The following THPO variants were observed in gnomAD, a reference collection of about 807,000 sequenced individuals.
THPO encodes MPL ligand.
Under a neutral mutation model 17.0 loss-of-function variants are expected in THPO, and 12 were observed. That is an observed-to-expected ratio of 0.71 (90% CI 0.45 to 1.14). The LOEUF is 1.14. Among genes scored for constraint, THPO ranks in the 50% most tolerant of loss-of-function variants. THPO has a pLI of 0.00. For missense variants in THPO, 365 were observed against 427.5 expected, an observed-to-expected ratio of 0.85 and a Z score of 1.29; for synonymous variants, 188 against 183.0, an observed-to-expected ratio of 1.03 and a Z score of -0.22.
chr3:184,375,701 G>A (rs545035101), intron 3 of THPO, 100 bp from the exon 4 acceptor site: 35 of 1,476,400 alleles, frequency 2.4e-5, no homozygotes, highest in African/African-American at 7.0e-5. Flanking sequence ...ATCTCTAGAC[G>A]AGAGCTTTTA....
rs1714092281 is a variant in THPO, at chr3:184,373,202, G to C, written c.397-24C>G. ...AGCTGAGGGCAGAGGATGGTCCTGA[G>C]GCCAAACACCAGGGCCAGATCTCAG... On this transcript the variant is annotated intron_variant, in intron 5 of 5. Transcript: ENST00000647395. 5.6e-6 allele frequency: 9 copies of C among 1,607,896 alleles called. No individual in the cohort carries two copies. The East Asian group carries it at 2.0e-4, about 36-fold the overall frequency.
intron 1 of THPO, among the ~76,000 whole-genome samples, chr3:184,377,742 G>A (rs1045417207): frequency 1.3e-5 from 2 of 152,190 alleles, no homozygotes; most frequent in African/African-American, 4.8e-5. Flanking sequence ...TAAGAATGGG[G>A]ATTGGGGCTG....
At position 184,373,188 on chromosome 3, in the gene THPO, G is replaced by C. The variant is rs1391460695; in HGVS notation, c.397-10C>G. The C allele has an allele frequency of 6.2e-7, 1 of 1,609,668 alleles. No individual in the cohort carries two copies. Among genetic ancestry groups the C allele is most frequent in the South Asian group, 1.1e-5 (1 of 91,076 alleles). ...TGCCCTGTGGAGGAAGCTGAGGGCAGAGGATGGTCCTGAGGCCAAACACCA... is the reference window on the plus strand; with the variant it reads ...TGCCCTGTGGAGGAAGCTGAGGGCACAGGATGGTCCTGAGGCCAAACACCA... On this transcript the variant is annotated splice_polypyrimidine_tract_variant and intron_variant, in intron 5 of 5. Coordinates refer to ENST00000647395, the MANE Select transcript of THPO (RefSeq NM_000460.4).
chr3:184,378,246 G>T (rs1407599364), upstream of THPO: 20 of 985,370 alleles, frequency 2.0e-5, no homozygotes, highest in Non-Finnish European at 2.2e-5. Context: ...ACTGGTGAAG[G>T]CCCCCGGAAG....
Position 184,372,899 on chromosome 3 carries a change from T to G in THPO, c.676A>C (p.Arg226=). The G allele has an allele frequency of 6.2e-7, 1 of 1,614,000 alleles. No individual in the cohort carries two copies. Reference sequence around the variant, plus strand: ...TTCAGCAGACCAGGAATCTTGGCTCTGAATCCCTGCTGCCACTTCAGAAGC... The same window carrying G: ...TTCAGCAGACCAGGAATCTTGGCTCGGAATCCCTGCTGCCACTTCAGAAGC... ...SGLLKWQQGF[R]AKIPGLLNQT... The change falls in exon 6 of 6, where the codon AGA becomes CGA. Residue 226 remains arginine, a synonymous_variant. Transcript: ENST00000647395.
At chr3:184,373,637 G>T (rs149285772) in intron 4 of THPO, 55 bp from the exon 5 acceptor site, 11 of 1,595,942 alleles carry the variant, frequency 6.9e-6, no homozygotes, top group South Asian at 2.2e-5. Flanking sequence ...CACTAAAAGC[G>T]GGTGGGGAGC....
At chr3:184,374,136 G>C (rs916078906) in intron 4 of THPO, among the ~76,000 whole-genome samples, 1 of 152,184 alleles carries the variant, frequency 6.6e-6, no homozygotes, top group Non-Finnish European at 1.5e-5. Flanking sequence ...ACTGAGGCAG[G>C]AGAATCGCTT....
chr3:184,372,518 C>T lies in THPO; in HGVS notation c.1057G>A (p.Gly353Arg), dbSNP rs1577353481. ...YTHSQNLSQE[G>R] Reference sequence around the variant, plus strand: ...GTCGGCAGTGTCTGAGAACCTTACCCTTCCTGAGACAGATTCTGGGAGTGG... The same window carrying T: ...GTCGGCAGTGTCTGAGAACCTTACCTTTCCTGAGACAGATTCTGGGAGTGG... The change falls in exon 6 of 6, where the codon GGG becomes AGG. Residue 353 changes from glycine (G) to arginine (R), a missense_variant. Coordinates refer to ENST00000647395, the MANE Select transcript of THPO (RefSeq NM_000460.4). 1.9e-6 allele frequency: 3 copies of T among 1,614,086 alleles called. No individual in the cohort carries two copies.
In THPO at chr3:184,372,628, G is replaced by A; in HGVS notation, c.947C>T (p.Pro316Leu). ...LFPLPPTLPT[P>L]VVQLHPLLPD... ...AAGCAGGGGGTGGAGCTGGACCACA[G>A]GGGTGGGCAAGGTGGGTGGAAGAGG... The change falls in exon 6 of 6, where the codon CCT becomes CTT. Residue 316 changes from proline to leucine, a missense_variant. Transcript: ENST00000647395. 6.2e-7 allele frequency: 1 copy of A among 1,613,598 alleles called. No individual in the cohort carries two copies. Among genetic ancestry groups the A allele is most frequent in the South Asian group, 1.1e-5 (1 of 91,052 alleles).
intron 1 of THPO, among the ~76,000 whole-genome samples, chr3:184,377,812 C>T (rs1211395642): frequency 6.6e-6 from 1 of 152,180 alleles, no homozygotes; most frequent in Non-Finnish European, 1.5e-5. Context: ...TTATTTTCTC[C>T]CTGGGCTCAT....
chr3:184,377,413 A>G (rs1714508245), intron 1 of THPO, among the ~76,000 whole-genome samples: 1 of 152,184 alleles, frequency 6.6e-6, no homozygotes. Context: ...AGGAACGGGC[A>G]CCTGCTGGGT....
At chr3:184,377,086 G>C (rs1714480219) in intron 1 of THPO, among the ~76,000 whole-genome samples, 1 of 152,048 alleles carries the variant, frequency 6.6e-6, no homozygotes, top group Admixed American at 6.5e-5. Context: ...TGTGGCTTCA[G>C]CCTGGAGAAG....
At chr3:184,378,788 T>A, upstream of THPO, 9 of 985,182 alleles carry the variant, frequency 9.1e-6, no homozygotes, top group Non-Finnish European at 7.2e-6. Flanking sequence ...GTCCAGTGGC[T>A]TAGATGGCTA....
Position 184,376,455 on chromosome 3 carries a change from T to C in THPO, c.-145-51A>G, listed in dbSNP as rs1432654467. 8 of 1,466,208 alleles carry C rather than the reference T, an allele frequency of 5.5e-6. No individual in the cohort carries two copies. In the African/African-American group the frequency reaches 7.1e-5, roughly 13 times the overall value. The allele number at this position is 1,466,208 out of a possible 1,614,324, so 90.8% of individuals were successfully genotyped here. Reference sequence around the variant, plus strand: ...TTTAACCAAGTTTCTAGGAAGAGACTGCCTGGCAGGGTGAACAGATGCTGG... The same window carrying C: ...TTTAACCAAGTTTCTAGGAAGAGACCGCCTGGCAGGGTGAACAGATGCTGG... On this transcript the variant is annotated intron_variant, in intron 1 of 5. Coordinates refer to ENST00000647395, the MANE Select transcript of THPO (RefSeq NM_000460.4).
Position 184,375,502 on chromosome 3 carries a change from A to C in THPO, c.228+13T>G. ...GGACTTAGGGAAGCCAAGGTTAGGGATGGCTTTCTTACCATCTGGGTTTTC... is the reference window on the plus strand; with the variant it reads ...GGACTTAGGGAAGCCAAGGTTAGGGCTGGCTTTCTTACCATCTGGGTTTTC... On this transcript the variant is annotated intron_variant, in intron 4 of 5. Transcript: ENST00000647395. The C allele has an allele frequency of 6.2e-7, 1 of 1,613,564 alleles. No homozygotes were observed. Among genetic ancestry groups the C allele is most frequent in the Non-Finnish European group, 8.5e-7 (1 of 1,179,502 alleles).
upstream of THPO, among the ~76,000 whole-genome samples, chr3:184,379,443 G>A (rs1016504176): frequency 1.3e-5 from 2 of 152,090 alleles, no homozygotes; most frequent in African/African-American, 4.8e-5. Context: ...GAATGCTGCC[G>A]GTTTCTGGCT....
intron 3 of THPO, 64 bp downstream of exon 3, chr3:184,375,823 CT>C: frequency 6.2e-7 from 1 of 1,609,584 alleles, no homozygotes; most frequent in Non-Finnish European, 8.5e-7. Context: ...GTGATGGTGT[CT>C]TCCTGGGAGT....
Position 184,372,729 on chromosome 3 carries a change from G to C in THPO, c.846C>G (p.Gly282=), listed in dbSNP as rs780726231. ...CAGGCTGGAGGTTGGGTGGCAGGGAGCCTGTGTCTGATGTTCCTGAGGAAA... is the reference window on the plus strand; with the variant it reads ...CAGGCTGGAGGTTGGGTGGCAGGGACCCTGTGTCTGATGTTCCTGAGGAAA... ...PDISSGTSDT[G]SLPPNLQPGY... Residue 282 remains glycine (G), a synonymous_variant, in exon 6 of 6, where the codon GGC becomes GGG. Coordinates refer to ENST00000647395, the MANE Select transcript of THPO (RefSeq NM_000460.4). The C allele has an allele frequency of 2.5e-6, 4 of 1,613,952 alleles. No individual in the cohort carries two copies. Among genetic ancestry groups the C allele is most frequent in the Admixed American group, 3.3e-5 (2 of 60,014 alleles).
chr3:184,372,900 GA>G lies in THPO; in HGVS notation c.674del (p.Phe225SerfsTer9). ...TCAGCAGACCAGGAATCTTGGCTCT[GA>G]ATCCCTGCTGCCACTTCAGAAGCCC... ...GSGLLKWQQG[F>X]RAKIPGLLNQ... is the part of the protein sequence containing the mutation. On this transcript the variant is annotated frameshift_variant, in exon 6 of 6. Coordinates refer to ENST00000647395, the MANE Select transcript of THPO (RefSeq NM_000460.4). LOFTEE classifies it low-confidence loss of function (END_TRUNC). The G allele has an allele frequency of 6.2e-7, 1 of 1,614,028 alleles. No homozygotes were observed. The highest frequency in any genetic ancestry group is 8.5e-7 in the Non-Finnish European group (1 of 1,179,968).
Sources: gnomAD v4.1 joint callset for allele counts (sites outside exome capture counted in the v4.1 genomes callset) on GRCh38, gnomAD v4.1.1 for gene constraint, MANE v1.5 for transcripts, NCBI Gene and HGNC (gene_info 2026-07-23, HGNC 2026-07-21) for gene names.